The following FCRL3 variants were observed in gnomAD, a reference collection of about 807,000 sequenced individuals.
The protein encoded by FCRL3 is Fc receptor like 3, also known as Fc receptor-like protein 3.
Under a neutral mutation model 75.0 loss-of-function variants are expected in FCRL3, and 89 were observed. That is an observed-to-expected ratio of 1.19 (90% CI 1.00 to 1.42). The LOEUF is 1.42. Among genes scored for constraint, FCRL3 ranks in the 40% most tolerant of loss-of-function variants. FCRL3 has a pLI of 0.00. For missense variants in FCRL3, 946 were observed against 880.0 expected (o/e 1.07, Z -0.95); for synonymous variants, 376 against 348.5 (o/e 1.08, Z -0.88).
At chr1:157,686,727 G>C (rs901332548) in intron 10 of FCRL3, among the ~76,000 whole-genome samples, 9 of 152,132 alleles carry the variant, frequency 5.9e-5, no homozygotes, top group Non-Finnish European at 8.8e-5. Flanking sequence ...GGGATAACTT[G>C]CTAGCCATAT....
At position 157,690,234 on chromosome 1, in the gene FCRL3, GC is replaced by G; in HGVS notation, c.1690+20del. 6.2e-7 allele frequency: 1 copy of G among 1,611,896 alleles called. No homozygotes were observed. Among genetic ancestry groups the G allele is most frequent in the Non-Finnish European group, 8.5e-7 (1 of 1,178,378 alleles). The stretch of plus-strand genomic sequence containing the variant: ...TTATTTACCATAACTGTGACCTCTA[GC>G]CCAGGTACTATTAACACACCTGTAA... On this transcript the variant is annotated intron_variant, in intron 9 of 14. Transcript: ENST00000368184.
chr1:157,696,223 T>G lies in FCRL3; in HGVS notation c.949A>C (p.Thr317Pro). ...TCTTTGTGCCAGGAGAATGTGACAG[T>G]CCCTGAACCCTGGGCTACTGAGCAA... The part of the protein sequence containing the change: ...LICSVAQGSG[T>P]VTFSWHKEGR... Residue 317 changes from threonine to proline, a missense_variant, in exon 7 of 15, where the codon ACT becomes CCT. Physicochemically the swap from Thr to Pro is conservative, Grantham distance 38. Transcript: ENST00000368184. 6.2e-7 allele frequency: 1 copy of G among 1,613,956 alleles called. No homozygotes were observed. Among genetic ancestry groups the G allele is most frequent in the Non-Finnish European group, 8.5e-7 (1 of 1,179,984 alleles).
intron 10 of FCRL3, among the ~76,000 whole-genome samples, chr1:157,684,834 G>A (rs141518688): frequency 3.0e-3 from 451 of 152,244 alleles, no homozygotes; most frequent in Non-Finnish European, 5.7e-3. Flanking sequence ...CCTTTTAGGA[G>A]TGATTCACTC....
intron 8 of FCRL3, chr1:157,691,702 T>C (rs1655555075): frequency 6.6e-6 from 1 of 152,220 alleles, no homozygotes; most frequent in Non-Finnish European, 1.5e-5. Flanking sequence ...TTTTGTATGG[T>C]GCTTTGTGAT....
rs1334968746 is a variant in FCRL3 at position 157,696,144 on chromosome 1, A to G, written c.1028T>C (p.Leu343Pro). ...ACTCTCCTTCACGGTGAGAACATGCAGCTCTGCCAACAGGGAACGCTGGGT... is the reference window on the plus strand; with the variant it reads ...ACTCTCCTTCACGGTGAGAACATGCGGCTCTGCCAACAGGGAACGCTGGGT... ...RKTQRSLLAELHVLTVKESDA... is the reference protein window; with the variant it reads ...RKTQRSLLAEPHVLTVKESDA... The change falls in exon 7 of 15, where the codon CTG (leucine) becomes CCG (proline). Residue 343 changes from leucine (L) to proline (P), a missense_variant. Coordinates refer to ENST00000368184, the MANE Select transcript of FCRL3 (RefSeq NM_052939.4). 1.2e-6 allele frequency: 2 copies of G among 1,613,890 alleles called. No homozygotes were observed. The highest frequency in any genetic ancestry group is 2.7e-5 in the African/African-American group (2 of 74,896).
intron 11 of FCRL3, among the ~76,000 whole-genome samples, chr1:157,682,070 G>A (rs1453665270): frequency 6.6e-6 from 1 of 152,000 alleles, no homozygotes; most frequent in African/African-American, 2.4e-5. Flanking sequence ...CATATCCTTT[G>A]CCCACTTTTT....
chr1:157,686,790 A>T (rs1360165875), intron 10 of FCRL3, among the ~76,000 whole-genome samples: 1 of 152,198 alleles, frequency 6.6e-6, no homozygotes, highest in African/African-American at 2.4e-5. Context: ...AACTTAATTC[A>T]GGATGGATCA....
chr1:157,693,426 G>A (rs1655681509), intron 8 of FCRL3, among the ~76,000 whole-genome samples: 1 of 152,058 alleles, frequency 6.6e-6, no homozygotes, highest in Non-Finnish European at 1.5e-5. Context: ...TGAAAAATGA[G>A]TATCATGGAA....
Position 157,696,179 on chromosome 1 carries a change from C to G in FCRL3, c.993G>C (p.Leu331=). The G allele has an allele frequency of 1.9e-6, 3 of 1,614,084 alleles. No homozygotes were observed. Among genetic ancestry groups the G allele is most frequent in the South Asian group, 1.1e-5 (1 of 91,074 alleles). Residue 331 remains leucine (L), a synonymous_variant, in exon 7 of 15, where the codon CTG becomes CTC. Coordinates refer to ENST00000368184, the MANE Select transcript of FCRL3 (RefSeq NM_052939.4). ...SWHKEGRVRS[L]GRKTQRSLLA... Reference sequence around the variant, plus strand: ...ACAGGGAACGCTGGGTCTTTCTACCCAGGCTTCTTACTCTTCCTTCTTTGT... The same window carrying G: ...ACAGGGAACGCTGGGTCTTTCTACCGAGGCTTCTTACTCTTCCTTCTTTGT...
chr1:157,695,450 G>A lies in FCRL3; in HGVS notation c.1290C>T (p.Pro430=), dbSNP rs761188109. The A allele has an allele frequency of 2.5e-6, 4 of 1,614,220 alleles. No homozygotes were observed. Among genetic ancestry groups the A allele is most frequent in the Non-Finnish European group, 3.4e-6 (4 of 1,180,034 alleles). Residue 430 remains proline, a synonymous_variant, in exon 8 of 15, where the codon CCC becomes CCT. Transcript: ENST00000368184. ...EDVTLGNSSA[P]SGGGASFNLS... is the part of the protein sequence containing the mutation. ...GGTTGAAGGAGGCTCCTCCTCCAGA[G>A]GGGGCTGAGCTGTTCCCCAGGGTGA...
In FCRL3 at chr1:157,678,234, G is replaced by A. The variant is rs907819371; in HGVS notation, c.*476C>T. On this transcript the variant is annotated 3_prime_UTR_variant, in exon 15 of 15. Coordinates refer to ENST00000368184, the MANE Select transcript of FCRL3 (RefSeq NM_052939.4). ...TCTTGTTCTATAACTTCTTTTGGCTGTTCCCAATATGGTAGCAAGGATACA... is the reference window on the plus strand; with the variant it reads ...TCTTGTTCTATAACTTCTTTTGGCTATTCCCAATATGGTAGCAAGGATACA... The A allele has an allele frequency of 4.0e-5, 40 of 987,720 alleles. No individual in the cohort carries two copies. Among genetic ancestry groups the A allele is most frequent in the Non-Finnish European group, 4.8e-5 (40 of 831,628 alleles). 61.2% of individuals were successfully genotyped at this position (987,720 alleles called of 1,614,324 possible).
chr1:157,683,210 A>G lies in FCRL3; in HGVS notation c.1838+7T>C. On this transcript the variant is annotated splice_region_variant and intron_variant, in intron 11 of 14. Coordinates refer to ENST00000368184, the MANE Select transcript of FCRL3 (RefSeq NM_052939.4). ...AATGTTGGCAGCACAAGAAGCAGAG[A>G]CCTCACCTAGATGTTCCAGTGGCAG... The G allele has an allele frequency of 6.2e-7, 1 of 1,613,146 alleles. No homozygotes were observed. The highest frequency in any genetic ancestry group is 1.1e-5 in the South Asian group (1 of 90,890).
intron 2 of FCRL3, among the ~76,000 whole-genome samples, chr1:157,700,044 T>A (rs1237657559): frequency 2.6e-5 from 4 of 152,240 alleles, no homozygotes; most frequent in African/African-American, 9.6e-5. Flanking sequence ...CCTCACTTTT[T>A]CAATCTCTGA....
chr1:157,676,831 C>T lies in FCRL3; in HGVS notation c.*1879G>A. ...CCCTTAGAGAAAGTTCACTATAAGG[C>T]ACAAAGGGGCTTGGCAAGGTAATTC... On this transcript the variant is annotated 3_prime_UTR_variant, in exon 15 of 15. Transcript: ENST00000368184. The T allele has an allele frequency of 2.6e-6, 4 of 1,546,104 alleles. No homozygotes were observed. Among genetic ancestry groups the T allele is most frequent in the Non-Finnish European group, 3.5e-6 (4 of 1,145,132 alleles).
intron 13 of FCRL3, 133 bp downstream of exon 13, chr1:157,680,569 C>G (rs1249071530): frequency 8.7e-6 from 6 of 687,618 alleles, no homozygotes; most frequent in Non-Finnish European, 1.3e-5. Flanking sequence ...ATAGATTCTA[C>G]AGCTGACACT....
intron 10 of FCRL3, among the ~76,000 whole-genome samples, chr1:157,685,253 G>A (rs905092405): frequency 7.2e-5 from 11 of 151,970 alleles, no homozygotes; most frequent in Non-Finnish European, 1.6e-4. Context: ...AGTAGGAGGT[G>A]TGACTAGCCT....
At chr1:157,679,295 C>A in intron 13 of FCRL3, 1 of 401,984 alleles carries the variant, frequency 2.5e-6, no homozygotes, top group South Asian at 2.5e-5. Flanking sequence ...CCTTCTTGCT[C>A]CTCTGCTCAT....
chr1:157,683,277 G>A, intron 10 of FCRL3, 33 bp from the exon 11 acceptor site: 1 of 1,612,264 alleles, frequency 6.2e-7, no homozygotes, highest in Non-Finnish European at 8.5e-7. Flanking sequence ...TTGGTGGTAA[G>A]TGAGCTGTGT....
At chr1:157,679,316 G>A (rs1654672046) in intron 13 of FCRL3, 4 of 340,848 alleles carry the variant, frequency 1.2e-5, no homozygotes, top group Non-Finnish European at 2.2e-5. Context: ...TATAACCCCA[G>A]AGGGGCACCC....
Sources: allele counts gnomAD v4.1 joint callset (sites outside exome capture counted in the v4.1 genomes callset), GRCh38; gene constraint gnomAD v4.1.1; transcripts MANE v1.5; gene names NCBI Gene and HGNC (gene_info 2026-07-23, HGNC 2026-07-21).